Variants in GALNT13 observed in about 807,000 individuals in gnomAD.
GALNT13 encodes the protein polypeptide N-acetylgalactosaminyltransferase 13.
Under a neutral mutation model 64.2 loss-of-function variants are expected in GALNT13, and 28 were observed. The ratio of observed to expected loss-of-function variants is 0.44; its 90% confidence interval spans 0.32 to 0.60. GALNT13 has a LOEUF of 0.60. GALNT13 is among the 20% of genes least tolerant of loss of function. The pLI is 0.05. For synonymous variants in GALNT13, 214 were observed against 224.6 expected (o/e 0.95, Z 0.42); for missense variants, 577 against 669.8 (o/e 0.86, Z 1.53).
the GALNT13 span, among the ~76,000 whole-genome samples, chr2:153,650,034 T>C: frequency 2.6e-5 from 4 of 152,198 alleles, no homozygotes; most frequent in Non-Finnish European, 5.9e-5. Flanking sequence ...ACTTTCTGTC[T>C]CATTGATCTG....
chr2:153,356,789 CTTTTTTTTTT>C, the GALNT13 span, among the ~76,000 whole-genome samples: 11 of 104,890 alleles, frequency 1.0e-4, no homozygotes, highest in East Asian at 3.1e-3. Context: ...TCTTCTTCCT[CTTTTTTTTTT>C]TTTTTTTTTT....
the GALNT13 span, chr2:153,422,070 A>T: frequency 1.3e-5 from 2 of 152,148 alleles, no homozygotes; most frequent in Middle Eastern, 3.4e-3. Context: ...TTGTTTTTTA[A>T]AAAAAAAGGC....
chr2:154,075,543 T>C (rs921138533), intron 3 of GALNT13, among the ~76,000 whole-genome samples: 7 of 151,888 alleles, frequency 4.6e-5, no homozygotes, highest in African/African-American at 1.4e-4. Context: ...ATTCCTGTCA[T>C]TGTTGATCAA....
chr2:154,101,432 G>T (rs925191455), intron 3 of GALNT13, among the ~76,000 whole-genome samples: 2 of 151,824 alleles, frequency 1.3e-5, no homozygotes, highest in Non-Finnish European at 2.9e-5. Context: ...TTTCTAGTTT[G>T]TGCACATGGA....
the GALNT13 span, among the ~76,000 whole-genome samples, chr2:153,557,909 C>T: frequency 2.0e-5 from 3 of 152,132 alleles, no homozygotes; most frequent in Non-Finnish European, 2.9e-5. Context: ...ACTAACTGTG[C>T]CCAGAGTATA....
chr2:154,148,675 A>G (rs1470376442), intron 4 of GALNT13, among the ~76,000 whole-genome samples: 2 of 152,204 alleles, frequency 1.3e-5, no homozygotes, highest in Non-Finnish European at 2.9e-5. Context: ...TCTGATAGCC[A>G]GTGATGGTGA....
chr2:154,321,161 G>A (rs936578778), intron 9 of GALNT13, among the ~76,000 whole-genome samples: 1 of 152,110 alleles, frequency 6.6e-6, no homozygotes, highest in African/African-American at 2.4e-5. Flanking sequence ...ACAGGGAGGA[G>A]TAGAGGTACA....
intron 9 of GALNT13, among the ~76,000 whole-genome samples, chr2:154,351,178 G>A (rs1696375730): frequency 6.6e-6 from 1 of 152,030 alleles, no homozygotes; most frequent in African/African-American, 2.4e-5. Context: ...TTTGCGCTTT[G>A]GCTGTGATTC....
the GALNT13 span, among the ~76,000 whole-genome samples, chr2:153,594,255 C>T: frequency 6.6e-6 from 1 of 152,100 alleles, no homozygotes; most frequent in African/African-American, 2.4e-5. Context: ...TCACAGCACT[C>T]TTCTAAAACT....
chr2:153,798,422 A>T, the GALNT13 span, among the ~76,000 whole-genome samples: 2 of 152,310 alleles, frequency 1.3e-5, no homozygotes, highest in South Asian at 4.1e-4. Flanking sequence ...ATTACTATAT[A>T]TGTTCATGTT....
chr2:153,403,472 G>T, the GALNT13 span, among the ~76,000 whole-genome samples: 4 of 152,156 alleles, frequency 2.6e-5, no homozygotes, highest in East Asian at 1.9e-4. Flanking sequence ...CGAGCTTCCT[G>T]GCTGCTTTGT....
the GALNT13 span, among the ~76,000 whole-genome samples, chr2:153,342,443 A>G: frequency 2.6e-5 from 4 of 152,252 alleles, no homozygotes; most frequent in African/African-American, 9.6e-5. Flanking sequence ...CCTAATGAGC[A>G]GTGGTGTTCA....
the GALNT13 span, among the ~76,000 whole-genome samples, chr2:153,120,715 T>C: frequency 6.6e-6 from 1 of 152,158 alleles, no homozygotes; most frequent in Non-Finnish European, 1.5e-5. Context: ...ACAAGCAATT[T>C]TGTAAGTAAA....
At chr2:153,685,639 C>T in the GALNT13 span, among the ~76,000 whole-genome samples, 4 of 151,922 alleles carry the variant, frequency 2.6e-5, no homozygotes, top group Admixed American at 6.6e-5. Context: ...TGGATAGTTT[C>T]TTTTGCTGTG....
the GALNT13 span, among the ~76,000 whole-genome samples, chr2:153,821,090 A>G: frequency 4.8e-4 from 73 of 152,152 alleles, no homozygotes; most frequent in African/African-American, 1.5e-3. Context: ...CCAGATTCTT[A>G]AAACAAATAC....
the GALNT13 span, among the ~76,000 whole-genome samples, chr2:153,359,630 C>CAA: frequency 0.022 from 860 of 38,232 alleles, 180 homozygotes; most frequent in East Asian, 0.071. Flanking sequence ...CAGCTTTCAG[C>CAA]AAAAAAAAAA....
At chr2:154,034,304 G>C (rs1698523745) in intron 3 of GALNT13, among the ~76,000 whole-genome samples, 1 of 152,008 alleles carries the variant, frequency 6.6e-6, no homozygotes, top group African/African-American at 2.4e-5. Flanking sequence ...ATGAACTATT[G>C]ATATACACAC....
intron 9 of GALNT13, among the ~76,000 whole-genome samples, chr2:154,319,494 C>T (rs960711965): frequency 6.6e-6 from 1 of 151,722 alleles, no homozygotes; most frequent in Non-Finnish European, 1.5e-5. Flanking sequence ...GGTGAAACCC[C>T]ATCTCTACTA....
chr2:153,960,336 G>A (rs1353101175), intron 3 of GALNT13, among the ~76,000 whole-genome samples: 1 of 152,202 alleles, frequency 6.6e-6, no homozygotes, highest in African/African-American at 2.4e-5. Flanking sequence ...GAGCCCCAGA[G>A]TTGAGCTTAA....
Sources: gnomAD v4.1 joint callset for allele counts (sites outside exome capture counted in the v4.1 genomes callset) on GRCh38, gnomAD v4.1.1 for gene constraint, MANE v1.5 for transcripts, NCBI Gene and HGNC (gene_info 2026-07-23, HGNC 2026-07-21) for gene names.